The following IREB2 variants were observed in gnomAD, a reference collection of about 807,000 sequenced individuals.
IREB2 encodes the protein iron responsive element binding protein 2.
A neutral mutation model predicts 118.8 loss-of-function variants in IREB2; 39 were observed. The ratio of observed to expected loss-of-function variants is 0.33; its 90% CI spans 0.25 to 0.43. The LOEUF (loss-of-function observed/expected upper bound fraction) is 0.43, where lower values mean the gene tolerates loss of function less well. IREB2 is among the 20% of genes least tolerant of loss of function. The pLI is 1.00. For synonymous variants in IREB2, 372 were observed against 392.2 expected (o/e 0.95, Z 0.61); for missense variants, 900 against 1,147.3 (o/e 0.78, Z 3.11).
chr15:78,473,154 G>T lies in IREB2; in HGVS notation c.884-88G>T, dbSNP rs922160094. 9.5e-6 allele frequency: 12 copies of T among 1,269,206 alleles called. No homozygotes were observed. In the African/African-American group the frequency reaches 1.8e-4, roughly 19 times the overall value. The allele number at this position is 1,269,206 out of a possible 1,614,324, so 78.6% of individuals were successfully genotyped here. ...CTCTGCAAAGTACTGTGTAAGATAA[G>T]CTCATGAAACACCTAGAGATTCAGA... On this transcript the variant is annotated intron_variant, in intron 7 of 21. Transcript: ENST00000258886.
chr15:78,487,825 G>A lies in IREB2; in HGVS notation c.1794+8G>A, dbSNP rs1179710279. Reference sequence around the variant, plus strand: ...TTAAATGCAGTAAAACAGGTAAAATGTGTGGATTGGCAAGACATCTAAATG... The same window carrying A: ...TTAAATGCAGTAAAACAGGTAAAATATGTGGATTGGCAAGACATCTAAATG... On this transcript the variant is annotated splice_region_variant and intron_variant, in intron 14 of 21. Transcript: ENST00000258886. 6.0e-6 allele frequency: 9 copies of A among 1,511,200 alleles called. No homozygotes were observed. In the African/African-American group the frequency reaches 9.6e-5, roughly 16 times the overall value. 93.6% of individuals were successfully genotyped at this position (1,511,200 alleles called of 1,614,324 possible). A position where few individuals can be genotyped will look rare whatever the true frequency, so the allele number is the denominator to read the frequency against.
At position 78,497,329 on chromosome 15, in the gene IREB2, A is replaced by C; in HGVS notation, c.2781+18A>C. 1 of 1,555,078 alleles carries C rather than the reference A, an allele frequency of 6.4e-7. No individual in the cohort carries two copies. The highest frequency in any genetic ancestry group is 8.9e-7 in the Non-Finnish European group (1 of 1,128,296). Reference sequence around the variant, plus strand: ...ATATACAGGTATCTCTAAATTTTTCAAATATATGATTATGCACTCAAATGT... The same window carrying C: ...ATATACAGGTATCTCTAAATTTTTCCAATATATGATTATGCACTCAAATGT... On this transcript the variant is annotated intron_variant, in intron 21 of 21. Transcript: ENST00000258886.
At chr15:78,496,722 G>A (rs72738746) in intron 20 of IREB2, among the ~76,000 whole-genome samples, 29 of 152,066 alleles carry the variant, frequency 1.9e-4, no homozygotes, top group Middle Eastern at 3.2e-3. Flanking sequence ...AAGCCACTGC[G>A]CCTGGCCCTA....
Position 78,466,475 on chromosome 15 carries a change from G to A in IREB2, c.615G>A (p.Leu205=). 2 of 1,610,534 alleles carry A rather than the reference G, an allele frequency of 1.2e-6. No homozygotes were observed. Among genetic ancestry groups the A allele is most frequent in the Non-Finnish European group, 1.7e-6 (2 of 1,176,890 alleles). ...CACCCATCCTGTGTCCTTTTCATTTGCAACCAGTGCCTGAGTATGAGATTG... is the reference window on the plus strand; with the variant it reads ...CACCCATCCTGTGTCCTTTTCATTTACAACCAGTGCCTGAGTATGAGATTG... ...ENTPILCPFH[L]QPVPEPETVL... Residue 205 remains leucine, a synonymous_variant, in exon 5 of 22, where the codon TTG becomes TTA. Transcript: ENST00000258886.
chr15:78,441,399 AAG>A (rs1292724746), intron 2 of IREB2, among the ~76,000 whole-genome samples: 41 of 152,356 alleles, frequency 2.7e-4, no homozygotes, highest in African/African-American at 9.6e-4. Context: ...TAATTTTGAA[AAG>A]AAACAGCTAG....
rs1456574535 is a variant in IREB2 at position 78,473,396 on chromosome 15, TGG to T, written c.1023+16_1023+17del. 1.2e-6 allele frequency: 2 copies of T among 1,608,936 alleles called. No individual in the cohort carries two copies. Among genetic ancestry groups the T allele is most frequent in the African/African-American group, 2.7e-5 (2 of 74,710 alleles). ...GTATTACAAAGGTAAGTTAAAGTTG[TGG>T]TAGCTCTATGACTTACTGAACATTA... On this transcript the variant is annotated intron_variant, in intron 8 of 21. Coordinates refer to ENST00000258886, the MANE Select transcript of IREB2 (RefSeq NM_004136.4).
intron 7 of IREB2, among the ~76,000 whole-genome samples, chr15:78,472,978 T>C (rs1275092580): frequency 6.6e-6 from 1 of 152,254 alleles, no homozygotes; most frequent in Admixed American, 6.5e-5. Context: ...ACATAATGAA[T>C]ACTTAAACTA....
chr15:78,495,864 A>T (rs1199704826), intron 20 of IREB2, among the ~76,000 whole-genome samples: 1 of 152,202 alleles, frequency 6.6e-6, no homozygotes, highest in East Asian at 1.9e-4. Context: ...GGAAGACACA[A>T]TTTGGGGGAA....
At chr15:78,441,235 AAT>A (rs1191430258) in intron 2 of IREB2, among the ~76,000 whole-genome samples, 8 of 151,974 alleles carry the variant, frequency 5.3e-5, no homozygotes, top group Non-Finnish European at 1.2e-4. Context: ...GTCATTTAAA[AAT>A]AAACAGTTTG....
At chr15:78,447,104 A>C (rs894669716) in intron 2 of IREB2, among the ~76,000 whole-genome samples, 1 of 151,892 alleles carries the variant, frequency 6.6e-6, no homozygotes, top group East Asian at 1.9e-4. Context: ...TTCAGTAGGC[A>C]TGCATAGAAC....
At chr15:78,484,392 C>T (rs2051624387) in intron 11 of IREB2, among the ~76,000 whole-genome samples, 1 of 152,134 alleles carries the variant, frequency 6.6e-6, no homozygotes, top group South Asian at 2.1e-4. Flanking sequence ...CACATAGGAT[C>T]CCTTTGGAGG....
chr15:78,439,738 T>A (rs1333647952), intron 1 of IREB2, 57 bp from the exon 2 acceptor site: 4 of 950,828 alleles, frequency 4.2e-6, no homozygotes, highest in Non-Finnish European at 6.6e-6. Flanking sequence ...CCAGGTATTT[T>A]CAGCTGAATA....
At chr15:78,440,006 C>G in intron 2 of IREB2, 125 bp downstream of exon 2, 1 of 598,934 alleles carries the variant, frequency 1.7e-6, no homozygotes, top group Non-Finnish European at 2.9e-6. Flanking sequence ...CCTACACATA[C>G]CTATACCATT....
intron 2 of IREB2, among the ~76,000 whole-genome samples, chr15:78,446,846 A>C (rs1003954398): frequency 3.9e-5 from 6 of 152,134 alleles, no homozygotes; most frequent in African/African-American, 1.4e-4. Flanking sequence ...CATGAAGGAC[A>C]TCTGTTGTAT....
chr15:78,479,436 G>A (rs1046770076), intron 10 of IREB2, among the ~76,000 whole-genome samples: 4 of 145,190 alleles, frequency 2.8e-5, no homozygotes, highest in Non-Finnish European at 6.0e-5. Flanking sequence ...GGATTTTGCC[G>A]TGTTGCTTAG....
chr15:78,460,970 T>C (rs1325478963), intron 2 of IREB2, among the ~76,000 whole-genome samples: 1 of 152,200 alleles, frequency 6.6e-6, no homozygotes. Flanking sequence ...TGTATATACA[T>C]AACATCCATT....
In IREB2 at chr15:78,466,289, A is replaced by G; in HGVS notation, c.429A>G (p.Pro143=). 2 of 1,613,524 alleles carry G rather than the reference A, an allele frequency of 1.2e-6. No homozygotes were observed. The highest frequency in any genetic ancestry group is 1.7e-6 in the Non-Finnish European group (2 of 1,179,626). ...DFSKCAIQNA[P]NPGGGDLQKA... ...ATGACAGTGCAATACAGAATGCACC[A>G]AATCCTGGAGGTGGTGACCTGCAGA... is the stretch of plus-strand genomic sequence containing the variant. Residue 143 remains proline (P), a synonymous_variant, in exon 5 of 22, where the codon CCA becomes CCG. Transcript: ENST00000258886.
intron 5 of IREB2, among the ~76,000 whole-genome samples, chr15:78,467,844 T>C (rs1231563892): frequency 1.3e-5 from 2 of 152,178 alleles, no homozygotes; most frequent in Admixed American, 1.3e-4. Context: ...GCCTTGACCT[T>C]CAAAAGTTGG....
intron 8 of IREB2, chr15:78,474,759 A>G (rs1294384083): frequency 6.6e-6 from 1 of 152,136 alleles, no homozygotes; most frequent in Non-Finnish European, 1.5e-5. Context: ...TTTCATCCTA[A>G]AAAATAAAAC....
Sources: gnomAD v4.1 joint callset for allele counts (sites outside exome capture counted in the v4.1 genomes callset) on GRCh38, gnomAD v4.1.1 for gene constraint, MANE v1.5 for transcripts, NCBI Gene and HGNC (gene_info 2026-07-23, HGNC 2026-07-21) for gene names.